SLC6A9: variants seen among roughly 807,000 people sequenced by gnomAD.
The protein encoded by SLC6A9 is sodium- and chloride-dependent glycine transporter 1.
Under a neutral mutation model 70.9 loss-of-function variants are expected in SLC6A9, and 31 were observed. The ratio of observed to expected loss-of-function variants is 0.44; its 90% confidence interval spans 0.33 to 0.59. The LOEUF (loss-of-function observed/expected upper bound fraction) is 0.59. SLC6A9 is among the 20% of genes least tolerant of loss of function. The pLI, the probability that SLC6A9 is intolerant of heterozygous loss-of-function variation, is 0.04. For synonymous variants in SLC6A9, 310 were observed against 341.3 expected (o/e 0.91, Z 1.01); for missense variants, 631 against 845.2 (o/e 0.75, Z 3.14).
At chr1:44,011,605 G>C in intron 2 of SLC6A9, 1 of 1,614,096 alleles carries the variant, frequency 6.2e-7, no homozygotes, top group Non-Finnish European at 8.5e-7. Flanking sequence ...TGGGGAAGGA[G>C]ACCAGAGTTG....
chr1:44,022,743 G>A (rs1301185379), intron 2 of SLC6A9, among the ~76,000 whole-genome samples: 3 of 48,672 alleles, frequency 6.2e-5, no homozygotes, highest in African/African-American at 9.3e-5. Flanking sequence ...TTTTGAGACA[G>A]AGCCCTGCTC....
At chr1:44,007,054 C>T (rs1009554948) in intron 5 of SLC6A9, among the ~76,000 whole-genome samples, 1 of 152,206 alleles carries the variant, frequency 6.6e-6, no homozygotes, top group African/African-American at 2.4e-5. Flanking sequence ...CAGCGTCCCA[C>T]CTGCTCCCAA....
Position 44,018,052 on chromosome 1 carries a change from C to A in SLC6A9, c.30+6196G>T, listed in dbSNP as rs191409223. ...ACACACTGGCCAGTCTCCTGCTGACCCCAAGATACCTCAGACCAGTGGCTC... is the reference window on the plus strand; with the variant it reads ...ACACACTGGCCAGTCTCCTGCTGACACCAAGATACCTCAGACCAGTGGCTC... On this transcript the variant is annotated intron_variant, in intron 2 of 13. Coordinates refer to ENST00000372310, the MANE Select transcript of SLC6A9 (RefSeq NM_001024845.3). The surrounding 1 kb of genome is among the most constrained non-coding windows in gnomAD (Gnocchi z 4.2). 2.9e-4 allele frequency among the ~76,000 whole-genome samples: 44 copies of A among 152,298 alleles called. No individual in the cohort carries two copies. In the East Asian group the frequency reaches 8.3e-3, roughly 29 times the overall value.
At chr1:43,999,192 G>T (rs2085997810) in intron 12 of SLC6A9, among the ~76,000 whole-genome samples, 1 of 151,988 alleles carries the variant, frequency 6.6e-6, no homozygotes. Flanking sequence ...GAAGGGTGGA[G>T]TTTGTCAAAA....
intron 1 of SLC6A9, among the ~76,000 whole-genome samples, chr1:44,028,814 A>AGG (rs1486760326): frequency 1.5e-4 from 22 of 142,716 alleles, no homozygotes; most frequent in African/African-American, 6.1e-4. Flanking sequence ...GAAGGAAGGA[A>AGG]AGAAGGAAGG....
In SLC6A9 at chr1:44,008,523, G is replaced by T. The variant is rs772045656; in HGVS notation, c.420C>A (p.His140Gln). ...AFYYFFSSMT[H>Q]VLPWAYCNNP... ...TATTGCAGTAGGCCCAGGGCAGCACGTGCGTCATGGACGAGAAGAAGTAGT... is the reference window on the plus strand; with the variant it reads ...TATTGCAGTAGGCCCAGGGCAGCACTTGCGTCATGGACGAGAAGAAGTAGT... Residue 140 changes from histidine (H) to glutamine (Q), a missense_variant, in exon 5 of 14, where the codon CAC becomes CAA. By Grantham distance (24) the His-to-Gln change is conservative. Coordinates refer to ENST00000372310, the MANE Select transcript of SLC6A9 (RefSeq NM_001024845.3). The T allele has an allele frequency of 1.9e-6, 3 of 1,614,144 alleles. No individual in the cohort carries two copies. The highest frequency in any genetic ancestry group is 2.5e-6 in the Non-Finnish European group (3 of 1,180,024).
At chr1:44,016,312 G>A (rs1451402950) in intron 2 of SLC6A9, 3 of 152,458 alleles carry the variant, frequency 2.0e-5, no homozygotes, top group African/African-American at 7.2e-5. Flanking sequence ...GACCCTAGCA[G>A]TACTGAGGCT....
chr1:44,028,815 A>AGAAGGAAG (rs3038834), intron 1 of SLC6A9, among the ~76,000 whole-genome samples: 21 of 151,236 alleles, frequency 1.4e-4, no homozygotes, highest in African/African-American at 4.4e-4. Context: ...AAGGAAGGAA[A>AGAAGGAAG]GAAGGAAGGA....
intron 2 of SLC6A9, 48 bp downstream of exon 2, chr1:44,024,200 A>G (rs371989185): frequency 1.3e-6 from 2 of 1,593,230 alleles, no homozygotes; most frequent in African/African-American, 2.7e-5. Flanking sequence ...TCCTGGGGGC[A>G]GGGCTTGGGA....
chr1:44,013,758 G>A lies in SLC6A9; in HGVS notation c.31-2876C>T, dbSNP rs1034487244. Among the ~76,000 whole-genome samples, 4 of 152,100 alleles carry A rather than the reference G, an allele frequency of 2.6e-5. No individual in the cohort carries two copies. Among genetic ancestry groups the A allele is most frequent in the Non-Finnish European group, 5.9e-5 (4 of 68,028 alleles). Reference sequence around the variant, plus strand: ...CCTACCTTTCTCCAAGCAAACTGGAGGAAAGACTCTCCAAAAAAAAATCCA... The same window carrying A: ...CCTACCTTTCTCCAAGCAAACTGGAAGAAAGACTCTCCAAAAAAAAATCCA... On this transcript the variant is annotated intron_variant, in intron 2 of 13. Coordinates refer to ENST00000372310, the MANE Select transcript of SLC6A9 (RefSeq NM_001024845.3). This position sits in a 1 kb window ranked among gnomAD's most constrained non-coding sequence, Gnocchi z 5.3.
chr1:44,021,802 A>G (rs1314542100), intron 2 of SLC6A9, among the ~76,000 whole-genome samples: 1 of 152,228 alleles, frequency 6.6e-6, no homozygotes, highest in Non-Finnish European at 1.5e-5. Context: ...GTTAGAAGAG[A>G]CGGGGCTCAG....
chr1:44,030,756 G>T (rs1250958996), intron 1 of SLC6A9, among the ~76,000 whole-genome samples: 1 of 152,210 alleles, frequency 6.6e-6, no homozygotes, highest in Non-Finnish European at 1.5e-5. Context: ...CGGGAGGGCA[G>T]ATAGGGAGGC....
rs2086175674 is a variant in SLC6A9 at position 44,002,956 on chromosome 1, A to G, written c.620T>C (p.Ile207Thr). 1.2e-6 allele frequency: 2 copies of G among 1,614,034 alleles called. No homozygotes were observed. Among genetic ancestry groups the G allele is most frequent in the South Asian group, 1.1e-5 (1 of 91,076 alleles). The stretch of plus-strand genomic sequence containing the variant: ...CAGCCGCACCTCCCCAAAGTTCCCA[A>G]TGTCATCTGACAGCTTCAGCACGTA... ...RLYVLKLSDD[I>T]GNFGEVRLPL... Residue 207 changes from isoleucine to threonine, a missense_variant, in exon 6 of 14, where the codon ATT becomes ACT. Physicochemically the swap from Ile to Thr is moderately conservative, Grantham distance 89. Coordinates refer to ENST00000372310, the MANE Select transcript of SLC6A9 (RefSeq NM_001024845.3). The surrounding 1 kb of genome is among the most constrained non-coding windows in gnomAD (Gnocchi z 5.5).
rs1440819709 is a variant in SLC6A9, at chr1:44,010,718, C to A, written c.187+8G>T. 6.2e-7 allele frequency: 1 copy of A among 1,613,888 alleles called. No homozygotes were observed. The highest frequency in any genetic ancestry group is 8.5e-7 in the Non-Finnish European group (1 of 1,179,828). On this transcript the variant is annotated splice_region_variant and intron_variant, in intron 3 of 13. Coordinates refer to ENST00000372310, the MANE Select transcript of SLC6A9 (RefSeq NM_001024845.3). Reference sequence around the variant, plus strand: ...GTGGGTGGTCCCTGCCCTGTGCCCACTGGGTACCTCCCCCGTTGCGATAGC... The same window carrying A: ...GTGGGTGGTCCCTGCCCTGTGCCCAATGGGTACCTCCCCCGTTGCGATAGC...
intron 5 of SLC6A9, among the ~76,000 whole-genome samples, chr1:44,006,772 T>C (rs1490257553): frequency 6.6e-6 from 1 of 152,184 alleles, no homozygotes; most frequent in Non-Finnish European, 1.5e-5. Context: ...GTGTTCTCTA[T>C]GCTCTGGGTC....
At chr1:44,028,640 A>G (rs559182783) in intron 1 of SLC6A9, among the ~76,000 whole-genome samples, 2 of 152,366 alleles carry the variant, frequency 1.3e-5, no homozygotes, top group African/African-American at 4.8e-5. Context: ...CTGTAATCCC[A>G]GCTGCTCAGG....
At chr1:44,010,460 G>T (rs2086511216) in intron 3 of SLC6A9, 8 of 175,754 alleles carry the variant, frequency 4.6e-5, no homozygotes, top group East Asian at 1.4e-4. Context: ...TGTGGGCGGG[G>T]GGGGGGGGGG....
At chr1:44,026,142 T>G (rs1184881365) in intron 1 of SLC6A9, among the ~76,000 whole-genome samples, 1 of 152,252 alleles carries the variant, frequency 6.6e-6, no homozygotes, top group Non-Finnish European at 1.5e-5. Context: ...GTGGCTCAAC[T>G]TGTCCTCCTA....
Position 44,020,563 on chromosome 1 carries a change from C to A in SLC6A9, c.30+3685G>T, listed in dbSNP as rs116300918. Among the ~76,000 whole-genome samples, 192 of 152,296 alleles carry A rather than the reference C, an allele frequency of 1.3e-3. 1 individual carries two copies. Among genetic ancestry groups the A allele is most frequent in the African/African-American group, 4.4e-3 (181 of 41,554 alleles). ...AAGTCTGCACTAGTTGAGCATTTGCCACACGCTAAGACTTCGGTTAGGTGA... is the reference window on the plus strand; with the variant it reads ...AAGTCTGCACTAGTTGAGCATTTGCAACACGCTAAGACTTCGGTTAGGTGA... On this transcript the variant is annotated intron_variant, in intron 2 of 13. Transcript: ENST00000372310.
Sources: allele counts gnomAD v4.1 joint callset (sites outside exome capture counted in the v4.1 genomes callset), GRCh38; gene constraint gnomAD v4.1.1; non-coding constraint Gnocchi (gnomAD v3.1); transcripts MANE v1.5; gene names NCBI Gene and HGNC (gene_info 2026-07-23, HGNC 2026-07-21).